The following SERINC3 variants were observed in gnomAD, a reference collection of about 807,000 sequenced individuals.
SERINC3 encodes the protein tumor differentially expressed protein 1.
SERINC3 carries 22 observed loss-of-function variants against 52.1 expected under a neutral mutation model. The ratio of observed to expected loss-of-function variants is 0.42; its 90% confidence interval spans 0.30 to 0.60. The LOEUF (loss-of-function observed/expected upper bound fraction) is 0.60, where lower values mean the gene tolerates loss of function less well. Ranked by LOEUF, SERINC3 falls within the 20% of genes least tolerant of loss-of-function variation. The probability of loss-of-function intolerance (pLI) is 0.16; values close to 1 mark genes in which losing one functional copy is unlikely to be tolerated. For missense variants in SERINC3, 564 were observed against 584.6 expected (o/e 0.96, Z 0.36); for synonymous variants, 226 against 212.7 (o/e 1.06, Z -0.54).
chr20:44,506,281 C>CAA (rs58316790), intron 6 of SERINC3, among the ~76,000 whole-genome samples: 44 of 65,776 alleles, frequency 6.7e-4, no homozygotes, highest in African/African-American at 1.8e-3. Context: ...GACTTTGTCT[C>CAA]AAAAAAAAAA....
At chr20:44,519,844 T>C (rs2064404562) in intron 1 of SERINC3, among the ~76,000 whole-genome samples, 1 of 151,976 alleles carries the variant, frequency 6.6e-6, no homozygotes, top group Non-Finnish European at 1.5e-5. Context: ...CTTGGTGTAA[T>C]ACTGTCAAAT....
intron 1 of SERINC3, among the ~76,000 whole-genome samples, chr20:44,516,930 A>G (rs1051872011): frequency 2.0e-5 from 3 of 152,220 alleles, no homozygotes; most frequent in African/African-American, 7.2e-5. Context: ...TTATCAAGTC[A>G]TATTACAAGG....
rs759651449 is a variant in SERINC3, at chr20:44,501,067, TC to T, written c.1283+5del. On this transcript the variant is annotated splice_donor_5th_base_variant and intron_variant, in intron 9 of 9. Coordinates refer to ENST00000342374, the MANE Select transcript of SERINC3 (RefSeq NM_006811.4). ...GTCTTCTGTCTGTTTTGTCTGTGTC[TC>T]CTACCTGTACCAGCTGGTCAGGGTC... The T allele has an allele frequency of 4.4e-6, 7 of 1,606,842 alleles. No individual in the cohort carries two copies. The African/African-American group carries it at 9.4e-5, about 21-fold the overall frequency.
At chr20:44,503,333 GA>G (rs1376613434) in intron 8 of SERINC3, among the ~76,000 whole-genome samples, 2 of 152,162 alleles carry the variant, frequency 1.3e-5, no homozygotes, top group African/African-American at 2.4e-5. Flanking sequence ...AAATTTGGAG[GA>G]CTCATACTTC....
At chr20:44,521,135 T>C (rs1385202950) in intron 1 of SERINC3, among the ~76,000 whole-genome samples, 1 of 152,246 alleles carries the variant, frequency 6.6e-6, no homozygotes, top group Non-Finnish European at 1.5e-5. Context: ...CAGGAGAAAC[T>C]GAGTGTGCTT....
At chr20:44,517,553 A>G (rs2064388046) in intron 1 of SERINC3, among the ~76,000 whole-genome samples, 1 of 151,222 alleles carries the variant, frequency 6.6e-6, no homozygotes, top group African/African-American at 2.4e-5. Context: ...GAGATCTACA[A>G]GCCAAGGAAC....
chr20:44,514,106 G>A (rs1377423103), intron 1 of SERINC3, 66 bp from the exon 2 acceptor site: 40 of 1,503,292 alleles, frequency 2.7e-5, no homozygotes, highest in Middle Eastern at 1.8e-4. Context: ...CACAGATGTC[G>A]CAGAAGAGAA....
At chr20:44,514,185 C>A in intron 1 of SERINC3, 145 bp from the exon 2 acceptor site, 1 of 819,764 alleles carries the variant, frequency 1.2e-6, no homozygotes, top group Non-Finnish European at 1.8e-6. Context: ...GTTAAAAGTA[C>A]GGGCTCTGGA....
chr20:44,507,025 C>A (rs927700250), intron 5 of SERINC3, 29 bp from the exon 6 acceptor site: 4 of 1,518,956 alleles, frequency 2.6e-6, no homozygotes, highest in African/African-American at 2.8e-5. Flanking sequence ...ATATGAATGA[C>A]CACAACTATA....
chr20:44,504,392 A>C (rs1017669943), intron 7 of SERINC3, among the ~76,000 whole-genome samples: 4 of 152,238 alleles, frequency 2.6e-5, no homozygotes, highest in South Asian at 4.1e-4. Context: ...CCTTTAAAAG[A>C]AGCCCATAGA....
chr20:44,513,023 G>C, intron 2 of SERINC3, 29 bp from the exon 3 acceptor site: 1 of 1,433,850 alleles, frequency 7.0e-7, no homozygotes, highest in Middle Eastern at 1.8e-4. Flanking sequence ...AATGTTACGA[G>C]AATATCTACA....
At chr20:44,521,847 G>T in intron 1 of SERINC3, 66 bp downstream of exon 1, 1 of 1,488,662 alleles carries the variant, frequency 6.7e-7, no homozygotes, top group Non-Finnish European at 9.2e-7. Flanking sequence ...GGCCCGTGCA[G>T]CTCTGGTCTC....
chr20:44,507,332 A>C (rs920366318), intron 5 of SERINC3, among the ~76,000 whole-genome samples: 5 of 152,296 alleles, frequency 3.3e-5, no homozygotes, highest in Middle Eastern at 3.4e-3. Flanking sequence ...TAGGAACCTA[A>C]ATGATTCCTT....
chr20:44,514,984 C>T (rs916878009), intron 1 of SERINC3, among the ~76,000 whole-genome samples: 1 of 152,152 alleles, frequency 6.6e-6, no homozygotes, highest in Non-Finnish European at 1.5e-5. Context: ...TTCACAGCAC[C>T]ACTATTTACA....
rs958322877 is a variant in SERINC3, at chr20:44,497,678, G to A, written c.*2618C>T. On this transcript the variant is annotated 3_prime_UTR_variant, in exon 10 of 10. Transcript: ENST00000342374. The stretch of plus-strand genomic sequence containing the variant: ...ATCTGACCCTCAAATCCCTTGAAAC[G>A]CTATACCCTGACATAAACCACTGGT... 6 of 152,106 alleles carry A rather than the reference G, an allele frequency of 3.9e-5. No individual in the cohort carries two copies. Among genetic ancestry groups the A allele is most frequent in the African/African-American group, 1.2e-4 (5 of 41,386 alleles). 9.4% of individuals were successfully genotyped at this position (152,106 alleles called of 1,614,324 possible).
At chr20:44,507,845 G>C (rs1600812993) in intron 5 of SERINC3, among the ~76,000 whole-genome samples, 1 of 152,182 alleles carries the variant, frequency 6.6e-6, no homozygotes, top group East Asian at 1.9e-4. Flanking sequence ...CTCCAGCCTG[G>C]ACAACAGAAC....
At chr20:44,506,094 A>G (rs1400414990) in intron 6 of SERINC3, among the ~76,000 whole-genome samples, 1 of 151,188 alleles carries the variant, frequency 6.6e-6, no homozygotes, top group African/African-American at 2.4e-5. Context: ...TGAGGTCAGG[A>G]GTTCGAGACC....
At position 44,500,133 on chromosome 20, in the gene SERINC3, G is replaced by C; in HGVS notation, c.*163C>G. ...CAGATAAATGAGAAGTTTCGATTCTGCATCAAGCATTATTCAATCTCACCT... is the reference window on the plus strand; with the variant it reads ...CAGATAAATGAGAAGTTTCGATTCTCCATCAAGCATTATTCAATCTCACCT... On this transcript the variant is annotated 3_prime_UTR_variant, in exon 10 of 10. Transcript: ENST00000342374. 1.4e-6 allele frequency: 1 copy of C among 701,184 alleles called. No individual in the cohort carries two copies. Among genetic ancestry groups the C allele is most frequent in the Non-Finnish European group, 2.3e-6 (1 of 430,108 alleles). The allele number at this position is 701,184 out of a possible 1,614,324, so 43.4% of individuals were successfully genotyped here.
chr20:44,501,013 G>C (rs2064275896), intron 9 of SERINC3, 60 bp downstream of exon 9: 3 of 1,262,572 alleles, frequency 2.4e-6, no homozygotes, highest in African/African-American at 2.9e-5. Context: ...CAATGGATGA[G>C]ATTTTATAGG....
Sources: allele counts gnomAD v4.1 joint callset (sites outside exome capture counted in the v4.1 genomes callset), GRCh38; gene constraint gnomAD v4.1.1; transcripts MANE v1.5; gene names NCBI Gene and HGNC (gene_info 2026-07-23, HGNC 2026-07-21).